KCNH5: variants seen among roughly 807,000 people sequenced by gnomAD.
KCNH5 encodes the protein potassium voltage-gated channel subfamily H member 5, also known as voltage-gated delayed rectifier potassium channel KCNH5.
KCNH5 carries 46 observed loss-of-function variants against 96.1 expected under a neutral mutation model. The observed-to-expected ratio is 0.48, with a 90% CI of 0.38 to 0.61. The LOEUF is 0.61. Ranked by LOEUF, KCNH5 falls within the 20% of genes least tolerant of loss-of-function variation. The pLI is 0.00. For missense variants in KCNH5, 907 were observed against 1,225.8 expected (o/e 0.74, Z 3.88); for synonymous variants, 439 against 449.8 (o/e 0.98, Z 0.30).
intron 7 of KCNH5, among the ~76,000 whole-genome samples, chr14:62,933,455 ATGTG>A (rs533111893): frequency 5.8e-5 from 7 of 120,128 alleles, no homozygotes; most frequent in Non-Finnish European, 1.3e-4. Flanking sequence ...CATATATATT[ATGTG>A]TGTGTGTGTG....
intron 6 of KCNH5, among the ~76,000 whole-genome samples, chr14:62,977,269 A>G (rs1378543943): frequency 6.6e-6 from 1 of 152,032 alleles, no homozygotes. Flanking sequence ...GGGGAAGTTG[A>G]GGCAGGAGAA....
intron 7 of KCNH5, among the ~76,000 whole-genome samples, chr14:62,890,047 G>A (rs1312627945): frequency 1.3e-5 from 2 of 152,150 alleles, no homozygotes; most frequent in South Asian, 2.1e-4. Context: ...GACTGAAACT[G>A]GACCCTTTCT....
intron 10 of KCNH5, among the ~76,000 whole-genome samples, chr14:62,752,121 A>T (rs2139945984): frequency 6.6e-6 from 1 of 152,210 alleles, no homozygotes; most frequent in South Asian, 2.1e-4. Context: ...CCCCTTTGAT[A>T]GTTCCACTTT....
chr14:62,923,607 G>C (rs1181730259), intron 7 of KCNH5, among the ~76,000 whole-genome samples: 29 of 151,804 alleles, frequency 1.9e-4, no homozygotes, highest in Non-Finnish European at 1.5e-5. Flanking sequence ...TATGGTACTG[G>C]CATTAAAACA....
intron 6 of KCNH5, among the ~76,000 whole-genome samples, chr14:62,961,953 A>T (rs1472142558): frequency 2.6e-5 from 4 of 151,366 alleles, no homozygotes; most frequent in African/African-American, 9.7e-5. Context: ...ATGCAGATGG[A>T]GTTACAGATG....
chr14:62,873,390 A>C (rs1888299336), intron 7 of KCNH5, among the ~76,000 whole-genome samples: 1 of 152,196 alleles, frequency 6.6e-6, no homozygotes, highest in African/African-American at 2.4e-5. Context: ...TGAGTGAAAG[A>C]AGTGATTTTT....
chr14:62,770,142 T>C (rs1885954240), intron 10 of KCNH5, among the ~76,000 whole-genome samples: 1 of 152,222 alleles, frequency 6.6e-6, no homozygotes, highest in Non-Finnish European at 1.5e-5. Context: ...ACACCCATTG[T>C]CACTCCTAGA....
At chr14:62,895,909 A>AT (rs1244565213) in intron 7 of KCNH5, among the ~76,000 whole-genome samples, 1 of 152,198 alleles carries the variant, frequency 6.6e-6, no homozygotes, top group Non-Finnish European at 1.5e-5. Flanking sequence ...CCTGAAGCAG[A>AT]TATACCCCTA....
chr14:62,731,847 A>G (rs1248992392), intron 10 of KCNH5, among the ~76,000 whole-genome samples: 1 of 152,214 alleles, frequency 6.6e-6, no homozygotes, highest in Non-Finnish European at 1.5e-5. Flanking sequence ...CCACTGAACT[A>G]ATCTAACAAA....
chr14:62,713,668 C>T (rs532372073), intron 10 of KCNH5, among the ~76,000 whole-genome samples: 1 of 152,312 alleles, frequency 6.6e-6, no homozygotes, highest in Middle Eastern at 3.4e-3. Flanking sequence ...GGTGCTACCA[C>T]CAGCTGATCC....
At chr14:62,935,713 T>G in intron 7 of KCNH5, among the ~76,000 whole-genome samples, 1 of 152,288 alleles carries the variant, frequency 6.6e-6, no homozygotes, top group South Asian at 2.1e-4. Flanking sequence ...TGAGACACTG[T>G]GCCAGTTTAA....
intron 6 of KCNH5, among the ~76,000 whole-genome samples, chr14:62,966,351 T>C (rs1306546179): frequency 6.6e-6 from 1 of 152,194 alleles, no homozygotes; most frequent in East Asian, 1.9e-4. Context: ...TCCTCTTCCA[T>C]GGGCATAGAC....
intron 10 of KCNH5, among the ~76,000 whole-genome samples, chr14:62,709,046 C>CCATCCTGGCTAA (rs1476415864): frequency 2.2e-4 from 34 of 151,330 alleles, no homozygotes; most frequent in Non-Finnish European, 4.3e-4. Context: ...GAGATCGAGA[C>CCATCCTGGCTAA]CACGGTGAAA....
chr14:62,832,352 C>T (rs1318697092), intron 8 of KCNH5, among the ~76,000 whole-genome samples: 1 of 152,096 alleles, frequency 6.6e-6, no homozygotes, highest in African/African-American at 2.4e-5. Context: ...TAAGTGGTAT[C>T]ATGCGGTATT....
intron 7 of KCNH5, among the ~76,000 whole-genome samples, chr14:62,910,902 C>G (rs962989325): frequency 7.8e-5 from 6 of 77,058 alleles, no homozygotes; most frequent in Non-Finnish European, 1.4e-4. Context: ...GCATACACCA[C>G]ACACACACAC....
chr14:63,028,062 A>C (rs1358397658), intron 1 of KCNH5, among the ~76,000 whole-genome samples: 2 of 152,116 alleles, frequency 1.3e-5, no homozygotes, highest in African/African-American at 4.8e-5. Context: ...GGTGTACCTT[A>C]CAATTTTAAA....
intron 7 of KCNH5, among the ~76,000 whole-genome samples, chr14:62,858,163 C>A (rs1338187088): frequency 1.3e-5 from 2 of 152,128 alleles, no homozygotes; most frequent in Non-Finnish European, 2.9e-5. Context: ...ATGACAATTA[C>A]AGCCCTCATT....
At chr14:62,822,961 T>C (rs1239239019) in intron 8 of KCNH5, among the ~76,000 whole-genome samples, 1 of 152,162 alleles carries the variant, frequency 6.6e-6, no homozygotes, top group Non-Finnish European at 1.5e-5. Context: ...GCATTCCTTC[T>C]GGATACCGAA....
intron 4 of KCNH5, among the ~76,000 whole-genome samples, chr14:62,993,431 T>G (rs1032084831): frequency 6.6e-6 from 1 of 151,938 alleles, no homozygotes; most frequent in Non-Finnish European, 1.5e-5. Flanking sequence ...GTGACAGCCT[T>G]CAGTTCCCCT....
Sources: gnomAD v4.1 joint callset for allele counts (sites outside exome capture counted in the v4.1 genomes callset) on GRCh38, gnomAD v4.1.1 for gene constraint, MANE v1.5 for transcripts, NCBI Gene and HGNC (gene_info 2026-07-23, HGNC 2026-07-21) for gene names.